Variants in MGAT5 observed in about 807,000 individuals in gnomAD.
MGAT5 encodes the protein alpha-1,6-mannosylglycoprotein 6-beta-N-acetylglucosaminyltransferase.
In MGAT5, 30 loss-of-function variants were observed where a neutral mutation model predicts 94.3. The observed-to-expected ratio is 0.32, with a 90% confidence interval of 0.24 to 0.43. The LOEUF (loss-of-function observed/expected upper bound fraction) is 0.43, where lower values mean the gene tolerates loss of function less well. Ranked by LOEUF, MGAT5 falls within the 20% of genes least tolerant of loss-of-function variation. MGAT5 has a pLI of 1.00. For synonymous variants in MGAT5, 310 were observed against 322.9 expected, an observed-to-expected ratio of 0.96 and a Z score of 0.43; for missense variants, 691 against 905.5, an observed-to-expected ratio of 0.76 and a Z score of 3.04.
chr2:134,220,878 A>G (rs1163428893), intron 1 of MGAT5, among the ~76,000 whole-genome samples: 1 of 152,002 alleles, frequency 6.6e-6, no homozygotes, highest in African/African-American at 2.4e-5. Context: ...ATTCTGCCAA[A>G]TCTCTTTCGC....
At chr2:134,425,875 C>T (rs1321158161) in intron 13 of MGAT5, among the ~76,000 whole-genome samples, 5 of 151,052 alleles carry the variant, frequency 3.3e-5, no homozygotes, top group African/African-American at 7.3e-5. Context: ...CTGTGGCCCT[C>T]GCCATATGAG....
rs558226905 is a variant in MGAT5, at chr2:134,158,767, CACT to C, written c.-143+38483_-143+38485del. On this transcript the variant is annotated intron_variant, in intron 1 of 16. Coordinates refer to the MGAT5 transcript ENST00000409645. ...GCTCCATATGGGCCCCCACTGCCAT[CACT>C]ACTACTGTCTCCCCAAATGGATCCC... Among the ~76,000 whole-genome samples, 259 of 152,336 alleles carry C rather than the reference CACT, an allele frequency of 1.7e-3. 1 individual carries two copies. Among genetic ancestry groups the C allele is most frequent in the Middle Eastern group, 3.4e-3 (1 of 294 alleles).
chr2:134,326,608 A>G (rs907423677), intron 4 of MGAT5, among the ~76,000 whole-genome samples: 1 of 152,110 alleles, frequency 6.6e-6, no homozygotes, highest in African/African-American at 2.4e-5. Flanking sequence ...ATTAATTGCT[A>G]TTGATTTTTT....
intron 1 of MGAT5, among the ~76,000 whole-genome samples, chr2:134,167,385 C>T (rs1248774067): frequency 2.6e-5 from 4 of 152,206 alleles, no homozygotes; most frequent in Non-Finnish European, 4.4e-5. Flanking sequence ...ATGTTTACAG[C>T]GTGTTGGCAG....
chr2:134,358,322 A>C (rs1679880550), intron 9 of MGAT5, among the ~76,000 whole-genome samples: 1 of 152,128 alleles, frequency 6.6e-6, no homozygotes, highest in Non-Finnish European at 1.5e-5. Flanking sequence ...GGTTATTTCT[A>C]GGTGATGAAA....
At chr2:134,314,818 G>A (rs1436378186) in intron 2 of MGAT5, among the ~76,000 whole-genome samples, 1 of 152,158 alleles carries the variant, frequency 6.6e-6, no homozygotes, top group Admixed American at 6.5e-5. Context: ...GCAGGCTTTG[G>A]CAGAAACGAG....
At chr2:134,446,045 G>GT (rs1411904389) in intron 15 of MGAT5, among the ~76,000 whole-genome samples, 3 of 152,160 alleles carry the variant, frequency 2.0e-5, no homozygotes, top group African/African-American at 7.2e-5. Context: ...CAGGGGGTTG[G>GT]TTAGAGCCCT....
At chr2:134,392,242 C>T (rs763279501) in intron 10 of MGAT5, among the ~76,000 whole-genome samples, 1 of 152,202 alleles carries the variant, frequency 6.6e-6, no homozygotes, top group African/African-American at 2.4e-5. Context: ...TGTTTATTTG[C>T]AGCATTTTAG....
At chr2:134,272,455 C>G (rs568769663) in intron 2 of MGAT5, among the ~76,000 whole-genome samples, 81 of 151,918 alleles carry the variant, frequency 5.3e-4, no homozygotes, top group African/African-American at 1.9e-3. Flanking sequence ...TTGCATCTCT[C>G]GGGTATGTGT....
At chr2:134,235,489 AGAGAG>A (rs1681591790) in intron 1 of MGAT5, among the ~76,000 whole-genome samples, 1 of 152,056 alleles carries the variant, frequency 6.6e-6, no homozygotes, top group Non-Finnish European at 1.5e-5. Flanking sequence ...TTTGATGGAG[AGAGAG>A]AAGAGCCACA....
At chr2:134,378,269 G>A (rs1278906625) in intron 10 of MGAT5, among the ~76,000 whole-genome samples, 1 of 152,184 alleles carries the variant, frequency 6.6e-6, no homozygotes, top group East Asian at 1.9e-4. Flanking sequence ...GTGGGGAGGT[G>A]GAGACCGTAT....
chr2:134,334,522 A>T (rs10928489), intron 4 of MGAT5, among the ~76,000 whole-genome samples: 3 of 104,852 alleles, frequency 2.9e-5, no homozygotes, highest in African/African-American at 3.8e-5. Flanking sequence ...TTTTTTTTGC[A>T]GGGTTGGGGG....
intron 8 of MGAT5, 54 bp from the exon 9 acceptor site, chr2:134,349,751 T>A: frequency 6.2e-7 from 1 of 1,600,248 alleles, no homozygotes; most frequent in East Asian, 2.2e-5. Flanking sequence ...GCTTTTACCT[T>A]TTCAACTTTG....
chr2:134,351,328 G>A (rs552424902), intron 9 of MGAT5, among the ~76,000 whole-genome samples: 3 of 152,284 alleles, frequency 2.0e-5, no homozygotes, highest in African/African-American at 7.2e-5. Context: ...GGGATGGGAT[G>A]AGATGGCACA....
At chr2:134,155,273 A>G (rs1001260243) in intron 1 of MGAT5, among the ~76,000 whole-genome samples, 6 of 152,114 alleles carry the variant, frequency 3.9e-5, no homozygotes, top group South Asian at 2.1e-4. Context: ...CTTTGCTTCC[A>G]TTCTCACTTC....
intron 1 of MGAT5, among the ~76,000 whole-genome samples, chr2:134,189,364 G>C (rs1189711770): frequency 6.6e-6 from 1 of 152,040 alleles, no homozygotes; most frequent in Admixed American, 6.6e-5. Flanking sequence ...GGTAGTCCAA[G>C]GATTTTGAAC....
chr2:134,452,177 A>G lies in MGAT5; in HGVS notation c.*3330A>G, dbSNP rs762778644. The G allele has an allele frequency of 6.6e-6, 1 of 152,210 alleles. No homozygotes were observed. Among genetic ancestry groups the G allele is most frequent in the African/African-American group, 2.4e-5 (1 of 41,430 alleles). The allele number at this position is 152,210 out of a possible 1,614,324, so 9.4% of individuals were successfully genotyped here. The stretch of plus-strand genomic sequence containing the variant: ...CCCCGCCAGGCCATAGCGTGTATGC[A>G]TGTGCACTTCCACCCACAGAGGAGG... On this transcript the variant is annotated 3_prime_UTR_variant, in exon 16 of 16. Coordinates refer to ENST00000281923, the MANE Select transcript of MGAT5 (RefSeq NM_002410.5).
intron 1 of MGAT5, among the ~76,000 whole-genome samples, chr2:134,197,506 C>A (rs894209779): frequency 1.3e-5 from 2 of 152,222 alleles, no homozygotes; most frequent in African/African-American, 4.8e-5. Flanking sequence ...ATTTCTTGAA[C>A]CTCCTGGTAT....
At chr2:134,297,469 A>G (rs1003489413) in intron 2 of MGAT5, among the ~76,000 whole-genome samples, 3 of 152,184 alleles carry the variant, frequency 2.0e-5, no homozygotes, top group South Asian at 4.1e-4. Context: ...ATGAACTCCT[A>G]TAAACACTGA....
Sources: allele counts gnomAD v4.1 joint callset (sites outside exome capture counted in the v4.1 genomes callset), GRCh38; gene constraint gnomAD v4.1.1; transcripts MANE v1.5; gene names NCBI Gene and HGNC (gene_info 2026-07-23, HGNC 2026-07-21).